The following ATP8A1 variants were observed in gnomAD, a reference collection of about 807,000 sequenced individuals.
ATP8A1 encodes the protein ATPase phospholipid transporting 8A1, also known as phospholipid-transporting ATPase IA.
Under a neutral mutation model 177.7 loss-of-function variants are expected in ATP8A1, and 90 were observed. The ratio of observed to expected loss-of-function variants is 0.51; its 90% CI spans 0.43 to 0.60. The LOEUF is 0.60. ATP8A1 is among the 20% of genes least tolerant of loss of function. The pLI, the probability that ATP8A1 is intolerant of heterozygous loss-of-function variation, is 0.00. For missense variants in ATP8A1, 1,072 were observed against 1,392.8 expected (o/e 0.77, Z 3.67); for synonymous variants, 493 against 485.9 (o/e 1.01, Z -0.19).
intron 16 of ATP8A1, among the ~76,000 whole-genome samples, chr4:42,553,601 C>T (rs919895011): frequency 5.3e-5 from 8 of 151,772 alleles, no homozygotes; most frequent in Non-Finnish European, 1.2e-4. Flanking sequence ...AAAGGAAAAA[C>T]ATTTCTCTAT....
At chr4:42,464,612 G>C in intron 27 of ATP8A1, 78 bp downstream of exon 27, 1 of 802,202 alleles carries the variant, frequency 1.2e-6, no homozygotes, top group South Asian at 2.1e-5. Flanking sequence ...TTAAAACCAT[G>C]AGAAAACGTC....
At chr4:42,486,896 T>A (rs1043592674) in intron 24 of ATP8A1, among the ~76,000 whole-genome samples, 5 of 152,228 alleles carry the variant, frequency 3.3e-5, no homozygotes, top group Non-Finnish European at 7.3e-5. Flanking sequence ...TCTAGGTTTG[T>A]GCAAGTACCC....
intron 19 of ATP8A1, among the ~76,000 whole-genome samples, chr4:42,545,961 G>T (rs992214154): frequency 6.6e-6 from 1 of 152,152 alleles, no homozygotes; most frequent in Non-Finnish European, 1.5e-5. Context: ...GTAACAGAGA[G>T]ACACTCTGTC....
intron 27 of ATP8A1, among the ~76,000 whole-genome samples, chr4:42,458,016 T>A (rs1327421916): frequency 6.6e-6 from 1 of 152,156 alleles, no homozygotes; most frequent in Admixed American, 6.6e-5. Context: ...AATGACTAGG[T>A]AAGAACAGAA....
chr4:42,647,802 C>A (rs1740691467), intron 1 of ATP8A1, among the ~76,000 whole-genome samples: 1 of 151,986 alleles, frequency 6.6e-6, no homozygotes, highest in African/African-American at 2.4e-5. Flanking sequence ...AATATCTCAG[C>A]TATCATGTCA....
chr4:42,614,882 T>C (rs1356009995), intron 5 of ATP8A1, among the ~76,000 whole-genome samples: 1 of 152,178 alleles, frequency 6.6e-6, no homozygotes, highest in Non-Finnish European at 1.5e-5. Flanking sequence ...GTTCATCCAA[T>C]GTCCTCCTAA....
At chr4:42,543,744 G>A (rs1159568262) in intron 20 of ATP8A1, among the ~76,000 whole-genome samples, 173 bp downstream of exon 20, 1 of 152,066 alleles carries the variant, frequency 6.6e-6, no homozygotes, top group Non-Finnish European at 1.5e-5. Flanking sequence ...TTACCCAGAA[G>A]GAATTCCACA....
chr4:42,579,587 A>C (rs1301190509), intron 11 of ATP8A1, among the ~76,000 whole-genome samples: 1 of 151,912 alleles, frequency 6.6e-6, no homozygotes, highest in African/African-American at 2.4e-5. Flanking sequence ...AACATTTTAT[A>C]CCACTATAGA....
intron 1 of ATP8A1, among the ~76,000 whole-genome samples, chr4:42,646,551 T>C (rs1177971298): frequency 6.6e-6 from 1 of 152,198 alleles, no homozygotes; most frequent in Non-Finnish European, 1.5e-5. Flanking sequence ...TGGTGTAGGC[T>C]GGCATCAGAA....
intron 30 of ATP8A1, among the ~76,000 whole-genome samples, chr4:42,449,098 A>C (rs1717640571): frequency 6.6e-6 from 1 of 152,132 alleles, no homozygotes. Context: ...GGGCTCCCAA[A>C]GTGCTGGGAT....
intron 31 of ATP8A1, 80 bp downstream of exon 31, chr4:42,446,503 C>T (rs1044242717): frequency 3.7e-5 from 53 of 1,424,140 alleles, no homozygotes; most frequent in East Asian, 2.8e-4. Context: ...ACTCATATCA[C>T]GTTTAAATTT....
At chr4:42,584,315 T>A (rs1223934879) in intron 9 of ATP8A1, among the ~76,000 whole-genome samples, 2 of 152,134 alleles carry the variant, frequency 1.3e-5, no homozygotes, top group East Asian at 3.9e-4. Context: ...GACTTCACCT[T>A]TTCTGCCAGT....
intron 5 of ATP8A1, among the ~76,000 whole-genome samples, chr4:42,605,524 G>A (rs1282538851): frequency 6.6e-6 from 1 of 152,184 alleles, no homozygotes; most frequent in Non-Finnish European, 1.5e-5. Flanking sequence ...TTATGCCAGA[G>A]AGTCTTCACT....
chr4:42,467,476 G>A (rs1312632626), intron 25 of ATP8A1, among the ~76,000 whole-genome samples: 1 of 152,118 alleles, frequency 6.6e-6, no homozygotes, highest in Non-Finnish European at 1.5e-5. Context: ...AGCGGATCAC[G>A]AGGTCAGGAG....
At chr4:42,576,268 G>A (rs1277524201) in intron 12 of ATP8A1, among the ~76,000 whole-genome samples, 3 of 151,754 alleles carry the variant, frequency 2.0e-5, no homozygotes, top group African/African-American at 7.3e-5. Flanking sequence ...TCAGGAAATC[G>A]AGACCATCCT....
intron 24 of ATP8A1, among the ~76,000 whole-genome samples, chr4:42,491,278 G>C (rs1263821888): frequency 2.0e-5 from 3 of 152,112 alleles, no homozygotes; most frequent in African/African-American, 7.2e-5. Context: ...TGGTTTACAA[G>C]AAACATGCTT....
At chr4:42,476,713 A>G (rs1392677967) in intron 25 of ATP8A1, among the ~76,000 whole-genome samples, 2 of 152,196 alleles carry the variant, frequency 1.3e-5, no homozygotes, top group African/African-American at 2.4e-5. Context: ...GAGTTTGACT[A>G]TGTCAAAGCC....
chr4:42,539,497 A>G (rs894905875), intron 20 of ATP8A1, among the ~76,000 whole-genome samples: 10 of 152,028 alleles, frequency 6.6e-5, no homozygotes, highest in Admixed American at 6.6e-4. Context: ...AATAGCTAAA[A>G]TAATCCTGAG....
rs754952867 is a variant in ATP8A1 at position 42,443,642 on chromosome 4, C to T, written c.3046G>A (p.Ala1016Thr). The change falls in exon 33 of 37, where the codon GCA becomes ACA. Residue 1016 changes from alanine (A) to threonine (T), a missense_variant. Ala to Thr is a moderately conservative substitution (Grantham distance 58). This residue lies in a region of ATP8A1 where 316 missense variants were observed against 459.1 expected (regional missense o/e 0.69). Coordinates refer to ENST00000381668, the MANE Select transcript of ATP8A1 (RefSeq NM_006095.2). ...FSHIAIWGSI[A>T]LWVVFFGIYS... The stretch of plus-strand genomic sequence containing the variant: ...ATTCCAAAAAACACCACCCAGAGTG[C>T]GATGCTCCCCCATATCGCTATGTGG... The T allele has an allele frequency of 4.7e-5, 74 of 1,561,910 alleles. No individual in the cohort carries two copies. Among genetic ancestry groups the T allele is most frequent in the Non-Finnish European group, 6.0e-5 (68 of 1,132,666 alleles).
Sources: allele counts gnomAD v4.1 joint callset (sites outside exome capture counted in the v4.1 genomes callset), GRCh38; gene constraint gnomAD v4.1.1; regional missense constraint gnomAD v4.1.1; transcripts MANE v1.5; gene names NCBI Gene and HGNC (gene_info 2026-07-23, HGNC 2026-07-21).